Variants in FIRRM observed in about 807,000 individuals in gnomAD.
FIRRM encodes the protein FIGNL1 interacting regulator of recombination and mitosis.
At chr1:169,807,692 G>A in the FIRRM span, 1 of 1,105,654 alleles carries the variant, frequency 9.0e-7, no homozygotes, top group Non-Finnish European at 1.2e-6. Context: ...CTTTTTGATT[G>A]TTTTTTTAAA....
the FIRRM span, chr1:169,800,984 T>C: frequency 1.5e-6 from 2 of 1,313,284 alleles, no homozygotes; most frequent in Non-Finnish European, 2.2e-6. Flanking sequence ...ATAATACTAT[T>C]ACCTGAAAAT....
chr1:169,825,581 A>T, the FIRRM span, among the ~76,000 whole-genome samples: 90 of 152,380 alleles, frequency 5.9e-4, no homozygotes, highest in African/African-American at 2.1e-3. Context: ...TGCTCAGTAG[A>T]TGTAATTCAA....
the FIRRM span, among the ~76,000 whole-genome samples, chr1:169,832,669 T>A: frequency 6.6e-6 from 1 of 152,014 alleles, no homozygotes; most frequent in South Asian, 2.1e-4. Context: ...AGTGGCTCGA[T>A]CACAGCTCAC....
the FIRRM span, among the ~76,000 whole-genome samples, chr1:169,832,992 T>C: frequency 6.6e-6 from 1 of 152,192 alleles, no homozygotes; most frequent in Non-Finnish European, 1.5e-5. Flanking sequence ...TGGGTATAGA[T>C]TTTGATGTCC....
chr1:169,792,149 C>A, the FIRRM span, among the ~76,000 whole-genome samples: 1 of 152,056 alleles, frequency 6.6e-6, no homozygotes. Flanking sequence ...AAAAACAAAA[C>A]GAAACAAAAA....
chr1:169,823,731 A>G, the FIRRM span, among the ~76,000 whole-genome samples: 1 of 151,030 alleles, frequency 6.6e-6, no homozygotes. Context: ...GCAAATATAA[A>G]TATATATATA....
the FIRRM span, among the ~76,000 whole-genome samples, chr1:169,787,598 C>A: frequency 5.3e-5 from 8 of 152,236 alleles, no homozygotes. Context: ...ACTATTTTCT[C>A]CCCACTACTG....
At chr1:169,811,856 ATAGATAGATAGAT>A in the FIRRM span, among the ~76,000 whole-genome samples, 4 of 151,196 alleles carry the variant, frequency 2.6e-5, no homozygotes. Flanking sequence ...TAAATAGATA[ATAGATAGATAGAT>A]TAGATAGATA....
At chr1:169,800,614 T>TAA in the FIRRM span, among the ~76,000 whole-genome samples, 1 of 152,106 alleles carries the variant, frequency 6.6e-6, no homozygotes, top group Non-Finnish European at 1.5e-5. Flanking sequence ...TTTCATGTTT[T>TAA]AAAATGTCAT....
At chr1:169,843,615 G>A in the FIRRM span, 1 of 963,606 alleles carries the variant, frequency 1.0e-6, no homozygotes, top group Non-Finnish European at 1.7e-6. Context: ...ATAAAAGCTT[G>A]CTATTATTAT....
the FIRRM span, chr1:169,827,291 A>T: frequency 2.8e-6 from 3 of 1,063,640 alleles, no homozygotes; most frequent in Non-Finnish European, 4.0e-6. Flanking sequence ...ACAATTAAGA[A>T]ATTTTTATTA....
At chr1:169,840,144 A>G in the FIRRM span, among the ~76,000 whole-genome samples, 750 of 152,228 alleles carry the variant, frequency 4.9e-3, 5 homozygotes, top group African/African-American at 0.017. Context: ...TATAGTTTCA[A>G]GTCAAGTCAC....
chr1:169,791,927 C>T, the FIRRM span, among the ~76,000 whole-genome samples: 1 of 152,168 alleles, frequency 6.6e-6, no homozygotes, highest in Non-Finnish European at 1.5e-5. Context: ...AGTCTATACT[C>T]CCCCAAATCT....
chr1:169,820,205 G>A, the FIRRM span, among the ~76,000 whole-genome samples: 1 of 152,194 alleles, frequency 6.6e-6, no homozygotes, highest in Non-Finnish European at 1.5e-5. Context: ...AGGAGAGAAT[G>A]GGAGAAAAGC....
the FIRRM span, chr1:169,794,043 G>A: frequency 5.2e-6 from 1 of 191,062 alleles, no homozygotes; most frequent in East Asian, 1.3e-4. Flanking sequence ...GTGGGGAAGA[G>A]AGAGAGATAA....
At chr1:169,819,854 GA>G in the FIRRM span, among the ~76,000 whole-genome samples, 1 of 152,164 alleles carries the variant, frequency 6.6e-6, no homozygotes, top group Non-Finnish European at 1.5e-5. Flanking sequence ...ATATCAACCA[GA>G]AAGTACTCAT....
At chr1:169,802,921 G>T in the FIRRM span, among the ~76,000 whole-genome samples, 1 of 152,200 alleles carries the variant, frequency 6.6e-6, no homozygotes. Flanking sequence ...CATCAAGCTA[G>T]CTGACCCTAC....
the FIRRM span, chr1:169,806,032 T>G: frequency 6.2e-7 from 1 of 1,603,482 alleles, no homozygotes; most frequent in Admixed American, 1.7e-5. Context: ...ATATCTGCTC[T>G]GTTATTTCCA....
At chr1:169,810,870 TGA>T in the FIRRM span, among the ~76,000 whole-genome samples, 1 of 106,348 alleles carries the variant, frequency 9.4e-6, no homozygotes, top group East Asian at 2.3e-4. Context: ...TTTTTTTTTT[TGA>T]GACGGAGTCT....
Sources: allele counts gnomAD v4.1 joint callset (sites outside exome capture counted in the v4.1 genomes callset), GRCh38; gene constraint gnomAD v4.1.1; transcripts MANE v1.5; gene names NCBI Gene and HGNC (gene_info 2026-07-23, HGNC 2026-07-21).